EPHA6: variants seen among roughly 807,000 people sequenced by gnomAD.
EPHA6 encodes ephrin type-A receptor 6.
In EPHA6, 50 loss-of-function variants were observed where a neutral mutation model predicts 112.0. That is an observed-to-expected ratio of 0.45 (90% CI 0.36 to 0.56). The LOEUF is 0.56. Among genes scored for constraint, EPHA6 ranks in the 20% least tolerant of loss-of-function variants. EPHA6 has a pLI of 0.00. For synonymous variants in EPHA6, 529 were observed against 490.7 expected (o/e 1.08, Z -1.03); for missense variants, 1,280 against 1,417.4 (o/e 0.90, Z 1.56).
At chr3:97,153,649 C>T (rs948923570) in intron 3 of EPHA6, among the ~76,000 whole-genome samples, 1 of 151,772 alleles carries the variant, frequency 6.6e-6, no homozygotes, top group Non-Finnish European at 1.5e-5. Context: ...TTCCTTAAAA[C>T]TTCTGGGAAT....
rs370230483 is a variant in EPHA6, at chr3:97,671,447, C to G, written c.2784+33365C>G. On this transcript the variant is annotated intron_variant, in intron 14 of 17. Coordinates refer to ENST00000389672, the MANE Select transcript of EPHA6 (RefSeq NM_001080448.3). The stretch of plus-strand genomic sequence containing the variant: ...AAATTCTTATCCAGTCACTGTAATA[C>G]TTTTTAATCAAGCCTGGTTGGGTCT... 1.2e-3 allele frequency among the ~76,000 whole-genome samples: 181 copies of G among 152,224 alleles called. 1 individual carries two copies. The highest frequency in any genetic ancestry group is 6.8e-3 in the Middle Eastern group (2 of 294).
chr3:97,524,666 G>A (rs1157708185), intron 10 of EPHA6, among the ~76,000 whole-genome samples: 1 of 152,044 alleles, frequency 6.6e-6, no homozygotes, highest in Non-Finnish European at 1.5e-5. Context: ...CCAGTCCCAT[G>A]ATGATGGATT....
At chr3:97,605,673 G>C (rs552528254) in intron 12 of EPHA6, among the ~76,000 whole-genome samples, 1 of 151,420 alleles carries the variant, frequency 6.6e-6, no homozygotes, top group African/African-American at 2.4e-5. Flanking sequence ...GTTTGAAGTT[G>C]GGTAATGATA....
rs1448957765 is a variant in EPHA6, at chr3:97,753,121, T to A, written c.*4420T>A. Among the ~76,000 whole-genome samples the A allele has an allele frequency of 6.6e-6, 1 of 152,190 alleles. No individual in the cohort carries two copies. On this transcript the variant is annotated 3_prime_UTR_variant, in exon 18 of 18. Transcript: ENST00000389672. ...AGCAACATTTTCAACAATTTTTCAA[T>A]CTTTATAATGTTCCACAAAGACAGT...
At chr3:97,645,868 G>T (rs986471260) in intron 14 of EPHA6, among the ~76,000 whole-genome samples, 1 of 151,818 alleles carries the variant, frequency 6.6e-6, no homozygotes, top group African/African-American at 2.4e-5. Context: ...ATTGCTATTT[G>T]CTCATTATTT....
chr3:97,351,164 T>G (rs2083794288), intron 5 of EPHA6, among the ~76,000 whole-genome samples: 1 of 152,140 alleles, frequency 6.6e-6, no homozygotes, highest in African/African-American at 2.4e-5. Context: ...AAAGTGCAAT[T>G]TGTCGATTGA....
At chr3:97,379,565 A>C (rs1396169806) in intron 5 of EPHA6, among the ~76,000 whole-genome samples, 2 of 151,868 alleles carry the variant, frequency 1.3e-5, no homozygotes, top group African/African-American at 4.8e-5. Context: ...CCTGACCAAC[A>C]TGGTGAAACC....
intron 14 of EPHA6, among the ~76,000 whole-genome samples, chr3:97,680,656 G>C (rs1322000175): frequency 6.6e-6 from 1 of 152,136 alleles, no homozygotes; most frequent in Non-Finnish European, 1.5e-5. Flanking sequence ...TTACATATCA[G>C]TGTCCCTTTG....
At chr3:97,321,562 C>T (rs1260430399) in intron 5 of EPHA6, among the ~76,000 whole-genome samples, 1 of 151,964 alleles carries the variant, frequency 6.6e-6, no homozygotes, top group Non-Finnish European at 1.5e-5. Context: ...CCTACCCTTA[C>T]TACCTTGGGA....
intron 5 of EPHA6, among the ~76,000 whole-genome samples, chr3:97,376,926 A>C (rs2085397498): frequency 6.6e-6 from 1 of 152,156 alleles, no homozygotes; most frequent in Non-Finnish European, 1.5e-5. Flanking sequence ...TCTGATAAAA[A>C]CCATCTGGAA....
intron 6 of EPHA6, 56 bp downstream of exon 6, chr3:97,405,330 A>G: frequency 7.0e-7 from 1 of 1,422,082 alleles, no homozygotes; most frequent in Non-Finnish European, 9.7e-7. Context: ...ATATATGTAT[A>G]TATTGAGCAT....
At chr3:97,422,008 T>G (rs963075069) in intron 6 of EPHA6, among the ~76,000 whole-genome samples, 6 of 151,992 alleles carry the variant, frequency 3.9e-5, no homozygotes, top group African/African-American at 1.4e-4. Context: ...ACTTTAAAAT[T>G]TTTGGAAGGA....
At chr3:97,651,686 T>G (rs301952) in intron 14 of EPHA6, among the ~76,000 whole-genome samples, 93,948 of 151,640 alleles carry the variant, frequency 0.62, 29,275 homozygotes, top group African/African-American at 0.7. Context: ...AACTCTCCCT[T>G]TTCCCATGAT....
Position 97,405,155 on chromosome 3 carries a change from T to TC in EPHA6, c.1615dup (p.Leu539ProfsTer14). ...GTTATTTTCTTTCCTTTCAGCACCT[T>TC]CCCTGATAGGTGTGGTAAGGAAGGA... On this transcript the variant is annotated frameshift_variant, in exon 6 of 18. Transcript: ENST00000389672. LOFTEE classifies it high-confidence loss of function. The TC allele has an allele frequency of 6.3e-7, 1 of 1,595,968 alleles. No homozygotes were observed. The highest frequency in any genetic ancestry group is 8.5e-7 in the Non-Finnish European group (1 of 1,169,604).
At chr3:96,939,666 T>C (rs1448698632) in intron 2 of EPHA6, among the ~76,000 whole-genome samples, 1 of 152,206 alleles carries the variant, frequency 6.6e-6, no homozygotes, top group East Asian at 1.9e-4. Context: ...TGTTTGCTCT[T>C]GCTTTTCTAG....
intron 14 of EPHA6, among the ~76,000 whole-genome samples, chr3:97,644,154 A>T (rs2094035810): frequency 6.6e-6 from 1 of 152,128 alleles, no homozygotes; most frequent in Non-Finnish European, 1.5e-5. Flanking sequence ...CCGCTCAACT[A>T]CATGGAAACT....
chr3:97,628,826 T>C (rs2093879726), intron 13 of EPHA6, among the ~76,000 whole-genome samples: 1 of 152,088 alleles, frequency 6.6e-6, no homozygotes, highest in Admixed American at 6.6e-5. Flanking sequence ...ATTGTGTGCA[T>C]GTGGTTATAT....
intron 3 of EPHA6, among the ~76,000 whole-genome samples, chr3:97,040,304 C>T (rs1038722557): frequency 1.3e-5 from 2 of 151,842 alleles, no homozygotes; most frequent in African/African-American, 4.8e-5. Context: ...ATATATTCAG[C>T]ATAAAAGAGT....
chr3:97,636,350 G>T (rs1222200440), intron 13 of EPHA6, among the ~76,000 whole-genome samples: 2 of 152,120 alleles, frequency 1.3e-5, no homozygotes, highest in Admixed American at 6.6e-5. Flanking sequence ...GTACATGATA[G>T]AAGAGGCAGA....
Sources: allele counts gnomAD v4.1 joint callset (sites outside exome capture counted in the v4.1 genomes callset), GRCh38; gene constraint gnomAD v4.1.1; transcripts MANE v1.5; gene names NCBI Gene and HGNC (gene_info 2026-07-23, HGNC 2026-07-21).